SAMD12: variants seen among roughly 807,000 people sequenced by gnomAD.
SAMD12 encodes sterile alpha motif domain-containing protein 12.
In SAMD12, 9 loss-of-function variants were observed where a neutral mutation model predicts 15.0. The observed-to-expected ratio is 0.60, with a 90% CI of 0.36 to 1.05. The LOEUF (loss-of-function observed/expected upper bound fraction) is 1.05. Ranked by LOEUF, SAMD12 falls within the 50% of genes least tolerant of loss-of-function variation. The probability of loss-of-function intolerance (pLI) is 0.01; values close to 1 mark genes in which losing one functional copy is unlikely to be tolerated. For synonymous variants in SAMD12, 86 were observed against 90.1 expected, an observed-to-expected ratio of 0.96 and a Z score of 0.25; for missense variants, 230 against 234.2, an observed-to-expected ratio of 0.98 and a Z score of 0.12.
intron 2 of SAMD12, among the ~76,000 whole-genome samples, chr8:118,536,442 A>AG (rs1563569267): frequency 1.5e-5 from 2 of 131,080 alleles, no homozygotes; most frequent in Admixed American, 7.6e-5. Context: ...ACTGATACAC[A>AG]AACACACACA....
At chr8:118,481,021 C>A (rs1168441040) in intron 2 of SAMD12, among the ~76,000 whole-genome samples, 1 of 152,258 alleles carries the variant, frequency 6.6e-6, no homozygotes, top group African/African-American at 2.4e-5. Context: ...TGGCTCACTG[C>A]ATCCTCTGCC....
At chr8:118,403,522 T>C (rs1820972926) in intron 3 of SAMD12, among the ~76,000 whole-genome samples, 2 of 152,160 alleles carry the variant, frequency 1.3e-5, no homozygotes, top group South Asian at 2.1e-4. Flanking sequence ...AAAAAAATTA[T>C]AGTAGTATTT....
At chr8:118,463,377 A>G (rs1295444320) in intron 2 of SAMD12, among the ~76,000 whole-genome samples, 1 of 152,150 alleles carries the variant, frequency 6.6e-6, no homozygotes, top group Non-Finnish European at 1.5e-5. Context: ...GATCAAGACA[A>G]GGATTCATCC....
intron 1 of SAMD12, among the ~76,000 whole-genome samples, chr8:118,611,278 C>T (rs1229245347): frequency 6.6e-6 from 1 of 151,960 alleles, no homozygotes; most frequent in Non-Finnish European, 1.5e-5. Context: ...GAATTATCTA[C>T]TAAACGACCA....
At chr8:118,145,226 C>G in the SAMD12 span, among the ~76,000 whole-genome samples, 1 of 152,072 alleles carries the variant, frequency 6.6e-6, no homozygotes, top group South Asian at 2.1e-4. Flanking sequence ...CTACATTAGC[C>G]CATGGGATTA....
intron 4 of SAMD12, among the ~76,000 whole-genome samples, chr8:118,272,294 C>A (rs987972851): frequency 6.6e-6 from 1 of 152,242 alleles, no homozygotes; most frequent in Admixed American, 6.5e-5. Context: ...CCCTTTTAGC[C>A]ATAGCTGGAG....
At chr8:118,611,356 GA>G in intron 1 of SAMD12, among the ~76,000 whole-genome samples, 1 of 152,282 alleles carries the variant, frequency 6.6e-6, no homozygotes, top group South Asian at 2.1e-4. Context: ...AGAAAAAAAT[GA>G]AAGGCAAGAG....
rs1822189864 is a variant in SAMD12, at chr8:118,425,164, T to C, written c.322+14668A>G. ...CGTGTTAGCCAGGATGGTCTCAATT[T>C]CCTGACCTTGTGATCTGCCCGCCTT... On this transcript the variant is annotated intron_variant, in intron 3 of 3. Coordinates refer to ENST00000314727, the MANE Select transcript of SAMD12 (RefSeq NM_207506.3). 3.3e-5 allele frequency among the ~76,000 whole-genome samples: 5 copies of C among 152,240 alleles called. No homozygotes were observed. In the South Asian group the frequency reaches 1.0e-3, roughly 32 times the overall value.
At position 118,379,521 on chromosome 8, in the gene SAMD12, T is replaced by C. The variant is rs778589082; in HGVS notation, c.502A>G (p.Ile168Val). The change falls in exon 4 of 4, where the codon ATT (isoleucine) becomes GTT (valine). Residue 168 changes from isoleucine to valine, a missense_variant. Ile to Val is a conservative substitution (Grantham distance 29, BLOSUM62 3). Coordinates refer to ENST00000314727, the MANE Select transcript of SAMD12 (RefSeq NM_207506.3). ...LLPDGWMDGEIRRKTTLLLGQ... is the reference protein window; with the variant it reads ...LLPDGWMDGEVRRKTTLLLGQ... ...AATAGTAAGGTGGTCTTTCTTCTAA[T>C]CTCCCCATCCATCCACCCATCAGGA... 6.2e-7 allele frequency: 1 copy of C among 1,613,872 alleles called. No homozygotes were observed. Among genetic ancestry groups the C allele is most frequent in the Non-Finnish European group, 8.5e-7 (1 of 1,179,836 alleles).
At chr8:118,496,519 T>C (rs1400295827) in intron 2 of SAMD12, among the ~76,000 whole-genome samples, 1 of 152,202 alleles carries the variant, frequency 6.6e-6, no homozygotes, top group Non-Finnish European at 1.5e-5. Flanking sequence ...GATAGCCATA[T>C]ACCAAAGATT....
chr8:118,383,766 C>T (rs1352166683), intron 3 of SAMD12, among the ~76,000 whole-genome samples: 2 of 152,156 alleles, frequency 1.3e-5, no homozygotes, highest in Non-Finnish European at 2.9e-5. Flanking sequence ...AAGTTTTTCA[C>T]ACTGCTCTTA....
chr8:118,415,836 A>ACTTCTGG (rs1821661024), intron 3 of SAMD12, among the ~76,000 whole-genome samples: 1 of 152,204 alleles, frequency 6.6e-6, no homozygotes, highest in Non-Finnish European at 1.5e-5. Context: ...GTGGCAGCTC[A>ACTTCTGG]CAGGTTGGGA....
Position 118,425,554 on chromosome 8 carries a change from T to G in SAMD12, c.322+14278A>C, listed in dbSNP as rs566639078. Among the ~76,000 whole-genome samples the G allele has an allele frequency of 3.3e-5, 5 of 151,430 alleles. No homozygotes were observed. In the East Asian group the frequency reaches 9.8e-4, roughly 30 times the overall value. The stretch of plus-strand genomic sequence containing the variant: ...GAAAGAAATCAAATGGAAACAGGAG[T>G]TTTTTAAAACAGGGACAACAGAATG... On this transcript the variant is annotated intron_variant, in intron 3 of 3. Coordinates refer to ENST00000314727, the MANE Select transcript of SAMD12 (RefSeq NM_207506.3).
intron 3 of SAMD12, among the ~76,000 whole-genome samples, chr8:118,437,453 G>T (rs921111970): frequency 6.6e-6 from 1 of 152,116 alleles, no homozygotes; most frequent in Non-Finnish European, 1.5e-5. Context: ...ACACTTCCAG[G>T]TGAGTCCTGA....
At chr8:118,609,793 A>G (rs546953161) in intron 1 of SAMD12, among the ~76,000 whole-genome samples, 16 of 152,272 alleles carry the variant, frequency 1.1e-4, no homozygotes, top group Non-Finnish European at 1.9e-4. Flanking sequence ...ACAAATCCAT[A>G]TAGTAACCTC....
At chr8:118,137,499 T>C in the SAMD12 span, among the ~76,000 whole-genome samples, 1 of 152,156 alleles carries the variant, frequency 6.6e-6, no homozygotes, top group African/African-American at 2.4e-5. Flanking sequence ...GAAATCGGCC[T>C]CAGTTTCCCC....
downstream of SAMD12, among the ~76,000 whole-genome samples, chr8:118,186,671 T>G (rs1013499763): frequency 6.6e-6 from 1 of 152,202 alleles, no homozygotes; most frequent in African/African-American, 2.4e-5. Flanking sequence ...TTTTCTTCTT[T>G]TCTCACTAAA....
intron 4 of SAMD12, among the ~76,000 whole-genome samples, chr8:118,207,387 T>TC (rs1563694948): frequency 6.6e-6 from 1 of 151,792 alleles, no homozygotes; most frequent in Admixed American, 6.6e-5. Context: ...CATTTTTTTT[T>TC]TGCACTGGAC....
the SAMD12 span, among the ~76,000 whole-genome samples, chr8:118,160,862 T>C: frequency 1.3e-5 from 2 of 152,348 alleles, no homozygotes; most frequent in Non-Finnish European, 2.9e-5. Flanking sequence ...TACATATGTA[T>C]ACATGTGCCA....
Sources: gnomAD v4.1 joint callset for allele counts (sites outside exome capture counted in the v4.1 genomes callset) on GRCh38, gnomAD v4.1.1 for gene constraint, MANE v1.5 for transcripts, NCBI Gene and HGNC (gene_info 2026-07-23, HGNC 2026-07-21) for gene names.